Variants in GRIK4 observed in about 807,000 individuals in gnomAD.
GRIK4 encodes glutamate ionotropic receptor kainate type subunit 4.
In GRIK4, 40 loss-of-function variants were observed where a neutral mutation model predicts 104.9. The ratio of observed to expected loss-of-function variants is 0.38; its 90% CI spans 0.30 to 0.50. GRIK4 has a LOEUF of 0.50. GRIK4 is among the 20% of genes least tolerant of loss of function. GRIK4 has a pLI of 0.93. For synonymous variants in GRIK4, 485 were observed against 524.9 expected, an observed-to-expected ratio of 0.92 and a Z score of 1.04; for missense variants, 1,047 against 1,308.1, an observed-to-expected ratio of 0.80 and a Z score of 3.08.
chr11:120,870,231 C>T (rs1954565102), intron 9 of GRIK4: 1 of 152,248 alleles, frequency 6.6e-6, no homozygotes, highest in East Asian at 1.9e-4. Flanking sequence ...ACTCAGCCTC[C>T]TCTGAAGCTC....
intron 11 of GRIK4, among the ~76,000 whole-genome samples, chr11:120,883,432 T>A (rs150207139): frequency 6.6e-6 from 1 of 152,252 alleles, no homozygotes; most frequent in East Asian, 1.9e-4. Flanking sequence ...CTTTCCATCC[T>A]CCAAGAACAG....
rs1947682723 is a variant in GRIK4, at chr11:120,513,062, C to T, written c.-159+1175C>T. Among the ~76,000 whole-genome samples, 1 of 152,124 alleles carries T rather than the reference C, an allele frequency of 6.6e-6. No homozygotes were observed. The highest frequency in any genetic ancestry group is 2.1e-4 in the South Asian group (1 of 4,822). Reference sequence around the variant, plus strand: ...GCCACGCGGTGCCACCTCCCTGCCTCCCTCCAGTGGCTCTCCTGGGCATGT... The same window carrying T: ...GCCACGCGGTGCCACCTCCCTGCCTTCCTCCAGTGGCTCTCCTGGGCATGT... On this transcript the variant is annotated intron_variant, in intron 1 of 20. Transcript: ENST00000527524. This position sits in a 1 kb window ranked among gnomAD's most constrained non-coding sequence, Gnocchi z 4.5.
At chr11:120,911,002 C>T (rs1308222704) in intron 13 of GRIK4, among the ~76,000 whole-genome samples, 1 of 152,106 alleles carries the variant, frequency 6.6e-6, no homozygotes, top group Admixed American at 6.5e-5. Context: ...GGGTAGATTC[C>T]ATTTCAGCAA....
chr11:120,756,794 T>C (rs2135433132), intron 3 of GRIK4, among the ~76,000 whole-genome samples: 1 of 152,330 alleles, frequency 6.6e-6, no homozygotes, highest in South Asian at 2.1e-4. Context: ...GCCCTGAGGC[T>C]GGGACACAGG....
chr11:120,985,354 G>A (rs1168450914), intron 20 of GRIK4, among the ~76,000 whole-genome samples: 1 of 152,112 alleles, frequency 6.6e-6, no homozygotes, highest in Non-Finnish European at 1.5e-5. Flanking sequence ...TTTGTGCTTT[G>A]TATTACCCTC....
At chr11:120,550,679 A>G (rs1461299174) in intron 1 of GRIK4, among the ~76,000 whole-genome samples, 9 of 152,208 alleles carry the variant, frequency 5.9e-5, no homozygotes, top group East Asian at 3.9e-4. Context: ...CACAGACAGG[A>G]CAGAGGCCAG....
chr11:120,831,977 G>A lies in GRIK4; in HGVS notation c.637G>A (p.Ala213Thr), dbSNP rs529944106. The A allele has an allele frequency of 1.5e-4, 238 of 1,613,708 alleles. 1 individual carries two copies. In the South Asian group the frequency reaches 2.1e-3, roughly 14 times the overall value. The part of the protein sequence containing the change: ...LLKEIRDDKT[A>T]TIIIHANASM... ...CAAGGAGATCCGGGACGACAAGACCGCCACCATCATCATCCACGCCAACGC... is the reference window on the plus strand; with the variant it reads ...CAAGGAGATCCGGGACGACAAGACCACCACCATCATCATCCACGCCAACGC... Residue 213 changes from alanine to threonine, a missense_variant, in exon 7 of 21, where the codon GCC becomes ACC. Physicochemically the swap from Ala to Thr is moderately conservative, Grantham distance 58. This residue lies in a region of GRIK4 where 447 missense variants were observed against 514.9 expected (regional missense o/e 0.87). Transcript: ENST00000527524.
intron 11 of GRIK4, among the ~76,000 whole-genome samples, chr11:120,877,165 C>T (rs1361777186): frequency 5.9e-5 from 9 of 152,236 alleles, no homozygotes; most frequent in Admixed American, 3.3e-4. Context: ...TAAGCAATAA[C>T]AGCTACCATT....
At chr11:120,623,307 T>C (rs1200204032) in intron 1 of GRIK4, among the ~76,000 whole-genome samples, 2 of 152,064 alleles carry the variant, frequency 1.3e-5, no homozygotes, top group African/African-American at 4.8e-5. Flanking sequence ...TTATTTTTAT[T>C]TTTTTGTAGA....
intron 1 of GRIK4, among the ~76,000 whole-genome samples, chr11:120,632,473 G>C (rs898610043): frequency 6.6e-6 from 1 of 151,956 alleles, no homozygotes; most frequent in Non-Finnish European, 1.5e-5. Flanking sequence ...TCCTTGTCCT[G>C]TATTGTCAGG....
chr11:120,676,465 G>A (rs4256992), intron 3 of GRIK4, among the ~76,000 whole-genome samples: 23,689 of 152,170 alleles, frequency 0.16, 2,008 homozygotes, highest in South Asian at 0.23. Flanking sequence ...GCTCCAGGGC[G>A]TGGCCCTGGC....
At chr11:120,761,823 C>G (rs953781714) in intron 3 of GRIK4, among the ~76,000 whole-genome samples, 1 of 152,140 alleles carries the variant, frequency 6.6e-6, no homozygotes, top group Non-Finnish European at 1.5e-5. Flanking sequence ...TGTTTTAGTA[C>G]CAGTACCATG....
intron 2 of GRIK4, among the ~76,000 whole-genome samples, chr11:120,659,857 G>A (rs751370712): frequency 6.6e-6 from 1 of 152,198 alleles, no homozygotes; most frequent in African/African-American, 2.4e-5. Context: ...ACAGGGTCCC[G>A]AGTAGCTGGA....
Position 120,935,331 on chromosome 11 carries a change from A to G in GRIK4, c.1477-5016A>G, listed in dbSNP as rs533097855. Among the ~76,000 whole-genome samples the G allele has an allele frequency of 6.6e-5, 10 of 152,222 alleles. No homozygotes were observed. In the South Asian group the frequency reaches 1.7e-3, roughly 25 times the overall value. On this transcript the variant is annotated intron_variant, in intron 13 of 20. Transcript: ENST00000527524. ...TTTGGGAGGCCAAGGCAGGTGGATC[A>G]CCTGAGGTCAGGAGTTCGAGACCAG...
intron 1 of GRIK4, among the ~76,000 whole-genome samples, chr11:120,523,953 A>T (rs1409267129): frequency 1.4e-5 from 2 of 146,008 alleles, no homozygotes; most frequent in African/African-American, 5.1e-5. Context: ...CCTGAGACGG[A>T]GCCTTGCTCT....
intron 19 of GRIK4, 56 bp from the exon 20 acceptor site, chr11:120,982,050 G>A (rs1389511351): frequency 8.8e-7 from 1 of 1,131,750 alleles, no homozygotes; most frequent in Non-Finnish European, 1.3e-6. Context: ...TTGATAAAAT[G>A]ATTGTGTCTT....
At chr11:120,848,166 G>C (rs559290696) in intron 8 of GRIK4, among the ~76,000 whole-genome samples, 44 of 152,316 alleles carry the variant, frequency 2.9e-4, no homozygotes, top group African/African-American at 9.9e-4. Context: ...CTGGGCAGCC[G>C]TTGAGGGGGC....
At chr11:120,873,834 C>A (rs933469440) in intron 9 of GRIK4, 15 of 464,774 alleles carry the variant, frequency 3.2e-5, no homozygotes, top group Non-Finnish European at 5.4e-5. Flanking sequence ...AGGCTTCAAT[C>A]CCAGAGAATC....
At chr11:120,798,238 G>A (rs761461655) in intron 3 of GRIK4, among the ~76,000 whole-genome samples, 6 of 130,992 alleles carry the variant, frequency 4.6e-5, no homozygotes, top group Middle Eastern at 5.3e-3. Context: ...GCACAATCTC[G>A]GCTCACTGCA....
Sources: gnomAD v4.1 joint callset for allele counts (sites outside exome capture counted in the v4.1 genomes callset) on GRCh38, gnomAD v4.1.1 for gene constraint, gnomAD v4.1.1 regional missense constraint, Gnocchi (gnomAD v3.1) non-coding constraint, MANE v1.5 for transcripts, NCBI Gene and HGNC (gene_info 2026-07-23, HGNC 2026-07-21) for gene names.